DPP6: variants seen among roughly 807,000 people sequenced by gnomAD.
DPP6 encodes the protein A-type potassium channel modulatory protein DPP6.
A neutral mutation model predicts 122.6 loss-of-function variants in DPP6; 69 were observed. The ratio of observed to expected loss-of-function variants is 0.56; its 90% confidence interval spans 0.46 to 0.69. The LOEUF is 0.69. Ranked by LOEUF, DPP6 falls within the 30% of genes least tolerant of loss-of-function variation. DPP6 has a pLI of 0.00. For missense variants in DPP6, 928 were observed against 1,116.9 expected, an observed-to-expected ratio of 0.83 and a Z score of 2.41; for synonymous variants, 418 against 433.1, an observed-to-expected ratio of 0.97 and a Z score of 0.43.
intron 8 of DPP6, among the ~76,000 whole-genome samples, chr7:154,758,621 C>T (rs1392792107): frequency 6.6e-6 from 1 of 152,172 alleles, no homozygotes; most frequent in East Asian, 1.9e-4. Context: ...ATCTGCTCTC[C>T]TCAGCCTCCC....
rs146472872 is a variant in DPP6, at chr7:154,869,941, G to A, written c.1813+1848G>A. 1.5e-3 allele frequency among the ~76,000 whole-genome samples: 229 copies of A among 148,324 alleles called. 3 individuals are homozygous for A. The highest frequency in any genetic ancestry group is 5.3e-3 in the African/African-American group (213 of 40,128). On this transcript the variant is annotated intron_variant, in intron 18 of 25. Coordinates refer to ENST00000377770, the MANE Select transcript of DPP6 (RefSeq NM_130797.4). ...CCACGCCAGGGAAGGGGGCATGAAC[G>A]AAATGAGTAGGGAATGGTCTAGGAG... is the stretch of plus-strand genomic sequence containing the variant.
intron 7 of DPP6, among the ~76,000 whole-genome samples, chr7:154,708,189 C>T (rs988132678): frequency 6.6e-6 from 1 of 152,192 alleles, no homozygotes; most frequent in South Asian, 2.1e-4. Flanking sequence ...CACATAACCA[C>T]GTGTATACAT....
chr7:154,445,539 C>T (rs1355650504), intron 1 of DPP6, among the ~76,000 whole-genome samples: 7 of 152,108 alleles, frequency 4.6e-5, no homozygotes, highest in Admixed American at 3.9e-4. Flanking sequence ...TCTCACCTGC[C>T]ACTCTTGCTG....
At chr7:154,235,697 T>A (rs1801171123) in intron 1 of DPP6, among the ~76,000 whole-genome samples, 2 of 152,232 alleles carry the variant, frequency 1.3e-5, no homozygotes, top group South Asian at 4.1e-4. Context: ...GTTTTTCTTT[T>A]TTTCCCCTTA....
intron 1 of DPP6, among the ~76,000 whole-genome samples, chr7:153,975,057 C>A (rs1585117232): frequency 6.6e-6 from 1 of 152,148 alleles, no homozygotes; most frequent in Admixed American, 6.6e-5. Context: ...CTTTACTTAG[C>A]AAATACTAAA....
At chr7:154,381,056 G>A (rs1384981584) in intron 1 of DPP6, among the ~76,000 whole-genome samples, 1 of 152,148 alleles carries the variant, frequency 6.6e-6, no homozygotes, top group Non-Finnish European at 1.5e-5. Context: ...CTGGGCGTGG[G>A]GCTTCTCTGC....
chr7:154,686,053 G>A (rs575972966), intron 7 of DPP6, among the ~76,000 whole-genome samples: 3 of 152,060 alleles, frequency 2.0e-5, no homozygotes, highest in East Asian at 1.9e-4. Flanking sequence ...TGATAACAGC[G>A]GCCTTTTAGA....
intron 4 of DPP6, among the ~76,000 whole-genome samples, chr7:154,544,466 A>T (rs1038365314): frequency 3.9e-5 from 6 of 152,194 alleles, no homozygotes; most frequent in African/African-American, 1.4e-4. Flanking sequence ...CATAGTGCTC[A>T]GCACCATGAC....
intron 3 of DPP6, among the ~76,000 whole-genome samples, chr7:154,500,285 A>G (rs12668501): frequency 0.11 from 16,947 of 152,186 alleles, 1,427 homozygotes; most frequent in East Asian, 0.37. Flanking sequence ...TCTAAAAAAC[A>G]TTGAATTGCA....
intron 2 of DPP6, among the ~76,000 whole-genome samples, chr7:154,471,453 T>C (rs528630472): frequency 6.6e-6 from 1 of 152,102 alleles, no homozygotes; most frequent in East Asian, 1.9e-4. Context: ...AAGGTTGGTT[T>C]TCATGAGAGA....
the DPP6 span, among the ~76,000 whole-genome samples, chr7:153,795,663 T>C: frequency 6.6e-6 from 1 of 152,146 alleles, no homozygotes; most frequent in African/African-American, 2.4e-5. Flanking sequence ...TTGCTTTTCT[T>C]TTTCTAAGTT....
rs544401450 is a variant in DPP6 at position 154,387,841 on chromosome 7, T to C, written c.244-58373T>C. 5.9e-5 allele frequency among the ~76,000 whole-genome samples: 9 copies of C among 152,334 alleles called. No individual in the cohort carries two copies. In the East Asian group the frequency reaches 1.5e-3, roughly 26 times the overall value. On this transcript the variant is annotated intron_variant, in intron 1 of 25. Transcript: ENST00000377770. ...TTGGTAGCTCTTTGTACGCCATACCTTCCCCGACTTTCTCTTCTGCTTATT... is the reference window on the plus strand; with the variant it reads ...TTGGTAGCTCTTTGTACGCCATACCCTCCCCGACTTTCTCTTCTGCTTATT...
chr7:154,506,560 G>A (rs547867324), intron 3 of DPP6, among the ~76,000 whole-genome samples: 101 of 152,246 alleles, frequency 6.6e-4, no homozygotes, highest in African/African-American at 2.3e-3. Flanking sequence ...AATGAGTGCT[G>A]TCTTGTTTGG....
At chr7:154,021,385 C>T (rs950415220) in intron 1 of DPP6, among the ~76,000 whole-genome samples, 6 of 152,156 alleles carry the variant, frequency 3.9e-5, no homozygotes, top group Admixed American at 6.5e-5. Flanking sequence ...CTCAGGGGTG[C>T]TGTGCTACTT....
intron 1 of DPP6, among the ~76,000 whole-genome samples, chr7:154,255,659 C>A (rs1043060687): frequency 1.3e-5 from 2 of 152,178 alleles, no homozygotes; most frequent in Admixed American, 1.3e-4. Context: ...TGTCTTCAGT[C>A]CGCCCTCCCT....
intron 1 of DPP6, among the ~76,000 whole-genome samples, chr7:154,389,394 AAGG>A (rs1814413659): frequency 6.6e-6 from 1 of 152,092 alleles, no homozygotes; most frequent in Non-Finnish European, 1.5e-5. Context: ...AATTAATAAA[AAGG>A]AGATGATTTC....
chr7:153,885,739 A>C (rs1045442389), upstream of DPP6, among the ~76,000 whole-genome samples: 1 of 152,186 alleles, frequency 6.6e-6, no homozygotes, highest in African/African-American at 2.4e-5. Context: ...CCTGATCCAC[A>C]TTACTTTAAA....
chr7:153,860,572 A>T, the DPP6 span, among the ~76,000 whole-genome samples: 1 of 151,686 alleles, frequency 6.6e-6, no homozygotes, highest in Non-Finnish European at 1.5e-5. Context: ...CAAGCCTAGA[A>T]GGGGGAATGC....
At chr7:154,263,497 A>G (rs6965893) in intron 1 of DPP6, among the ~76,000 whole-genome samples, 37,735 of 152,114 alleles carry the variant, frequency 0.25, 5,277 homozygotes, top group Non-Finnish European at 0.32. Context: ...ATTGGATGGA[A>G]GGAAATTGAT....
Sources: gnomAD v4.1 joint callset for allele counts (sites outside exome capture counted in the v4.1 genomes callset) on GRCh38, gnomAD v4.1.1 for gene constraint, MANE v1.5 for transcripts, NCBI Gene and HGNC (gene_info 2026-07-23, HGNC 2026-07-21) for gene names.